Variants in CRTAC1 observed in about 807,000 individuals in gnomAD.
CRTAC1 encodes the protein acidic secreted protein in cartilage.
CRTAC1 carries 37 observed loss-of-function variants against 67.8 expected under a neutral mutation model. The observed-to-expected ratio is 0.55, with a 90% CI of 0.42 to 0.72. The LOEUF is 0.72. Ranked by LOEUF, CRTAC1 falls within the 30% of genes least tolerant of loss-of-function variation. The probability of loss-of-function intolerance (pLI) is 0.00; values close to 1 mark genes in which losing one functional copy is unlikely to be tolerated. For synonymous variants in CRTAC1, 348 were observed against 371.0 expected, an observed-to-expected ratio of 0.94 and a Z score of 0.71; for missense variants, 780 against 931.6, an observed-to-expected ratio of 0.84 and a Z score of 2.12.
intron 2 of CRTAC1, among the ~76,000 whole-genome samples, chr10:97,945,361 T>C (rs1055807424): frequency 6.6e-6 from 1 of 152,246 alleles, no homozygotes; most frequent in Non-Finnish European, 1.5e-5. Context: ...TCTAACCATA[T>C]CTAAATGTTT....
chr10:97,881,777 C>G (rs772678275), intron 13 of CRTAC1, among the ~76,000 whole-genome samples: 6 of 152,026 alleles, frequency 3.9e-5, no homozygotes, highest in Non-Finnish European at 8.8e-5. Context: ...TGCTCCTCCA[C>G]CTCCCCACCT....
At chr10:97,967,878 A>T (rs192386204) in intron 2 of CRTAC1, among the ~76,000 whole-genome samples, 3 of 152,210 alleles carry the variant, frequency 2.0e-5, no homozygotes, top group Admixed American at 2.0e-4. Flanking sequence ...TTGTTGAAAC[A>T]GAAGTGCCAT....
chr10:98,020,658 G>A (rs979438872), intron 1 of CRTAC1, among the ~76,000 whole-genome samples: 2 of 152,258 alleles, frequency 1.3e-5, no homozygotes, highest in African/African-American at 4.8e-5. Flanking sequence ...AACGCCAAGT[G>A]GGCCAGAGGA....
chr10:97,998,466 A>G (rs1002686166), intron 2 of CRTAC1, among the ~76,000 whole-genome samples: 1 of 152,220 alleles, frequency 6.6e-6, no homozygotes, highest in Middle Eastern at 3.2e-3. Flanking sequence ...GGCGTTAGTA[A>G]TAATGGGCAT....
intron 2 of CRTAC1, among the ~76,000 whole-genome samples, chr10:98,000,533 T>A (rs1842668559): frequency 6.6e-6 from 1 of 152,180 alleles, no homozygotes; most frequent in Non-Finnish European, 1.5e-5. Context: ...CCCTTGCCAC[T>A]CCACATCTGA....
chr10:97,988,487 C>T (rs927880781), intron 2 of CRTAC1, among the ~76,000 whole-genome samples: 5 of 152,076 alleles, frequency 3.3e-5, no homozygotes, highest in South Asian at 2.1e-4. Flanking sequence ...TTTGGGAGGC[C>T]GAGGCAGGCG....
At chr10:97,949,573 G>T (rs1281403541) in intron 2 of CRTAC1, among the ~76,000 whole-genome samples, 1 of 152,256 alleles carries the variant, frequency 6.6e-6, no homozygotes, top group Non-Finnish European at 1.5e-5. Flanking sequence ...AGAAGCATCT[G>T]CTCTCCAGAG....
chr10:97,925,426 C>T (rs570344167), intron 3 of CRTAC1, among the ~76,000 whole-genome samples: 20 of 151,106 alleles, frequency 1.3e-4, no homozygotes, highest in East Asian at 7.9e-4. Context: ...GGTGAGTACA[C>T]GAGAGTAAGA....
intron 1 of CRTAC1, among the ~76,000 whole-genome samples, chr10:98,017,943 T>C (rs1273344234): frequency 6.6e-6 from 1 of 151,572 alleles, no homozygotes; most frequent in Non-Finnish European, 1.5e-5. Context: ...ATGCCTGGAA[T>C]CCCAGCACTT....
chr10:97,877,378 A>G (rs1040682271), intron 14 of CRTAC1, among the ~76,000 whole-genome samples: 1 of 152,236 alleles, frequency 6.6e-6, no homozygotes, highest in Non-Finnish European at 1.5e-5. Flanking sequence ...TACCTGGCAC[A>G]TAATAGGTGC....
chr10:97,946,651 G>A (rs547662622), intron 2 of CRTAC1, among the ~76,000 whole-genome samples: 2 of 152,288 alleles, frequency 1.3e-5, no homozygotes, highest in East Asian at 3.9e-4. Flanking sequence ...GGAAGGATAA[G>A]GATGTGGTTT....
chr10:97,907,918 A>G, intron 6 of CRTAC1, 95 bp downstream of exon 6: 3 of 1,372,418 alleles, frequency 2.2e-6, no homozygotes, highest in Non-Finnish European at 3.0e-6. Flanking sequence ...CCTCAGCCAG[A>G]AGAGACTATC....
intron 2 of CRTAC1, among the ~76,000 whole-genome samples, chr10:97,941,442 C>G (rs773691236): frequency 1.4e-4 from 21 of 152,110 alleles, no homozygotes; most frequent in Non-Finnish European, 2.6e-4. Flanking sequence ...ACTTCCAACC[C>G]AAATCCCCAG....
chr10:97,999,830 C>G (rs943196771), intron 2 of CRTAC1, among the ~76,000 whole-genome samples: 2 of 152,170 alleles, frequency 1.3e-5, no homozygotes, highest in African/African-American at 4.8e-5. Context: ...TACATCAGGA[C>G]GACCAGCTGC....
At chr10:97,884,628 G>A in intron 11 of CRTAC1, 2 of 381,510 alleles carry the variant, frequency 5.2e-6, no homozygotes, top group South Asian at 8.4e-5. Context: ...ACTTGAAGTG[G>A]GACTCACGTG....
chr10:97,926,447 A>G (rs962441836), intron 3 of CRTAC1, among the ~76,000 whole-genome samples: 1 of 152,182 alleles, frequency 6.6e-6, no homozygotes, highest in Non-Finnish European at 1.5e-5. Context: ...CCAGGTCCAC[A>G]GCCCCTCCTC....
intron 2 of CRTAC1, among the ~76,000 whole-genome samples, chr10:97,967,349 G>C (rs1396624137): frequency 1.3e-5 from 2 of 152,006 alleles, no homozygotes; most frequent in Non-Finnish European, 2.9e-5. Flanking sequence ...CCTCCTTACT[G>C]TCTGCACTAC....
At chr10:97,977,777 T>A (rs2051831017) in intron 2 of CRTAC1, among the ~76,000 whole-genome samples, 1 of 152,176 alleles carries the variant, frequency 6.6e-6, no homozygotes, top group Non-Finnish European at 1.5e-5. Flanking sequence ...ACTCAACAAG[T>A]TCCCTATTGG....
chr10:97,921,684 C>T (rs1272046618), intron 4 of CRTAC1, among the ~76,000 whole-genome samples: 1 of 152,174 alleles, frequency 6.6e-6, no homozygotes, highest in African/African-American at 2.4e-5. Context: ...AACTTCCAGG[C>T]TGCCCTTGGC....
Sources: allele counts gnomAD v4.1 joint callset (sites outside exome capture counted in the v4.1 genomes callset), GRCh38; gene constraint gnomAD v4.1.1; transcripts MANE v1.5; gene names NCBI Gene and HGNC (gene_info 2026-07-23, HGNC 2026-07-21).